The following NEDD4L variants were observed in gnomAD, a reference collection of about 807,000 sequenced individuals.
The protein encoded by NEDD4L is E3 ubiquitin-protein ligase NEDD4-like.
Under a neutral mutation model 148.9 loss-of-function variants are expected in NEDD4L, and 54 were observed. The observed-to-expected ratio is 0.36, with a 90% CI of 0.29 to 0.45. The LOEUF (loss-of-function observed/expected upper bound fraction) is 0.45. Ranked by LOEUF, NEDD4L falls within the 20% of genes least tolerant of loss-of-function variation. NEDD4L has a pLI of 1.00. For missense variants in NEDD4L, 856 were observed against 1,233.8 expected, an observed-to-expected ratio of 0.69 and a Z score of 4.59; for synonymous variants, 433 against 440.7, an observed-to-expected ratio of 0.98 and a Z score of 0.22.
At chr18:58,333,925 C>T in intron 12 of NEDD4L, 33 bp downstream of exon 12, 1 of 1,479,140 alleles carries the variant, frequency 6.8e-7, no homozygotes, top group African/African-American at 1.4e-5. Flanking sequence ...CATCAGTTGA[C>T]TTTTTGGGCT....
At chr18:58,395,806 T>C (rs1490397844) in intron 30 of NEDD4L, among the ~76,000 whole-genome samples, 5 of 152,160 alleles carry the variant, frequency 3.3e-5, no homozygotes, top group African/African-American at 9.7e-5. Context: ...GTGGAATAAG[T>C]AATAGTATTA....
chr18:58,107,808 G>A (rs2085159215), intron 1 of NEDD4L, among the ~76,000 whole-genome samples: 1 of 152,000 alleles, frequency 6.6e-6, no homozygotes, highest in African/African-American at 2.4e-5. Flanking sequence ...AACCTCCCAG[G>A]CTCATATGAT....
At chr18:58,086,268 G>C (rs1461922553) in intron 1 of NEDD4L, among the ~76,000 whole-genome samples, 2 of 152,122 alleles carry the variant, frequency 1.3e-5, no homozygotes, top group Non-Finnish European at 2.9e-5. Context: ...TACCTGTTGT[G>C]TCAGAAGGGA....
chr18:58,099,935 T>G (rs1023946458), intron 1 of NEDD4L, among the ~76,000 whole-genome samples: 10 of 152,102 alleles, frequency 6.6e-5, no homozygotes, highest in Admixed American at 2.0e-4. Context: ...CTTTACAGAA[T>G]AATCTGAGAT....
At chr18:58,385,642 G>T in intron 26 of NEDD4L, 56 bp downstream of exon 26, 1 of 1,396,990 alleles carries the variant, frequency 7.2e-7, no homozygotes, top group East Asian at 2.3e-5. Flanking sequence ...GGGTCGATGG[G>T]GGATCGCGCT....
intron 5 of NEDD4L, among the ~76,000 whole-genome samples, chr18:58,260,108 A>G (rs1417822296): frequency 6.6e-6 from 1 of 152,222 alleles, no homozygotes; most frequent in Non-Finnish European, 1.5e-5. Flanking sequence ...TGAGCCCAGT[A>G]GTTTGAGATT....
At chr18:58,242,052 G>A (rs1487456301) in intron 2 of NEDD4L, among the ~76,000 whole-genome samples, 1 of 150,246 alleles carries the variant, frequency 6.7e-6, no homozygotes, top group East Asian at 1.9e-4. Context: ...AAGAGTCCCA[G>A]TTTGATCATC....
At chr18:58,072,512 C>A (rs1016140251) in intron 1 of NEDD4L, among the ~76,000 whole-genome samples, 12 of 152,136 alleles carry the variant, frequency 7.9e-5, no homozygotes, top group Non-Finnish European at 1.2e-4. Context: ...GCAGGAAAAT[C>A]ATTTGATAAT....
intron 1 of NEDD4L, among the ~76,000 whole-genome samples, chr18:58,141,646 C>A (rs962198068): frequency 6.6e-6 from 1 of 151,998 alleles, no homozygotes; most frequent in African/African-American, 2.4e-5. Flanking sequence ...TCTGTTTTTC[C>A]CTCTAGTGTC....
intron 23 of NEDD4L, chr18:58,372,157 AG>A (rs1354962067): frequency 6.6e-6 from 1 of 152,206 alleles, no homozygotes; most frequent in East Asian, 1.9e-4. Context: ...TCTGTTTGCC[AG>A]GCTGGAGTAC....
intron 2 of NEDD4L, among the ~76,000 whole-genome samples, chr18:58,175,300 C>T (rs1264304555): frequency 1.3e-5 from 2 of 151,492 alleles, no homozygotes; most frequent in African/African-American, 2.4e-5. Context: ...TTTCTGGCCA[C>T]TAGGGACCGT....
At chr18:58,152,734 G>C (rs1043272642) in intron 1 of NEDD4L, among the ~76,000 whole-genome samples, 1 of 152,202 alleles carries the variant, frequency 6.6e-6, no homozygotes, top group African/African-American at 2.4e-5. Flanking sequence ...TGATGCTGAT[G>C]CTGGTAGTCG....
intron 1 of NEDD4L, among the ~76,000 whole-genome samples, chr18:58,105,844 G>T (rs139284838): frequency 2.8e-4 from 42 of 152,260 alleles, no homozygotes; most frequent in East Asian, 1.2e-3. Context: ...AAGCCAGCCC[G>T]CAAAAGATCA....
In NEDD4L at chr18:58,159,917, G is replaced by A. The variant is rs536936489; in HGVS notation, c.49-5871G>A. On this transcript the variant is annotated intron_variant, in intron 1 of 30. Transcript: ENST00000400345. Reference sequence around the variant, plus strand: ...GTCCCTGACTTAGAACTTATTGTCCGCTTGGACAGCTGGTGTACGTGATCC... The same window carrying A: ...GTCCCTGACTTAGAACTTATTGTCCACTTGGACAGCTGGTGTACGTGATCC... 7.9e-5 allele frequency among the ~76,000 whole-genome samples: 12 copies of A among 152,292 alleles called. No homozygotes were observed. The East Asian group carries it at 1.7e-3, about 22-fold the overall frequency.
intron 5 of NEDD4L, among the ~76,000 whole-genome samples, chr18:58,297,889 G>A (rs2055885421): frequency 1.3e-5 from 2 of 152,136 alleles, no homozygotes; most frequent in South Asian, 2.1e-4. Context: ...CGCTGTCTCC[G>A]AGTCTTTTCC....
At chr18:58,317,048 T>C (rs1022811498) in intron 6 of NEDD4L, among the ~76,000 whole-genome samples, 1 of 152,260 alleles carries the variant, frequency 6.6e-6, no homozygotes, top group African/African-American at 2.4e-5. Context: ...CAAGTAAGCT[T>C]TGAAGATGTG....
chr18:58,073,900 G>A (rs147088319), intron 1 of NEDD4L, among the ~76,000 whole-genome samples: 15 of 152,238 alleles, frequency 9.9e-5, no homozygotes, highest in South Asian at 2.1e-4. Context: ...AGTTAAGAGC[G>A]CATCCAGATA....
chr18:58,077,095 C>T (rs2145019147), intron 1 of NEDD4L, among the ~76,000 whole-genome samples: 1 of 150,110 alleles, frequency 6.7e-6, no homozygotes, highest in African/African-American at 2.4e-5. Context: ...AGGTAATCTG[C>T]CCGCCTCAGC....
At chr18:58,110,490 G>A (rs1568229940) in intron 1 of NEDD4L, among the ~76,000 whole-genome samples, 1 of 152,202 alleles carries the variant, frequency 6.6e-6, no homozygotes, top group Non-Finnish European at 1.5e-5. Flanking sequence ...GATTCGTGTG[G>A]CTCTTGAGCT....
Sources: gnomAD v4.1 joint callset for allele counts (sites outside exome capture counted in the v4.1 genomes callset) on GRCh38, gnomAD v4.1.1 for gene constraint, MANE v1.5 for transcripts, NCBI Gene and HGNC (gene_info 2026-07-23, HGNC 2026-07-21) for gene names.